The following GPC5 variants were observed in gnomAD, a reference collection of about 807,000 sequenced individuals.
GPC5 encodes glypican-5.
A neutral mutation model predicts 53.9 loss-of-function variants in GPC5; 47 were observed. The ratio of observed to expected loss-of-function variants is 0.87; its 90% CI spans 0.69 to 1.11. GPC5 has a LOEUF of 1.11. GPC5 is among the 50% of genes most tolerant of loss of function. GPC5 has a pLI of 0.00. For missense variants in GPC5, 748 were observed against 713.1 expected (o/e 1.05, Z -0.56); for synonymous variants, 286 against 263.3 (o/e 1.09, Z -0.84).
chr13:91,496,070 G>T (rs370633135), intron 2 of GPC5, among the ~76,000 whole-genome samples: 43 of 152,100 alleles, frequency 2.8e-4, no homozygotes, highest in South Asian at 1.5e-3. Flanking sequence ...ATTAGATCTT[G>T]TAATCTTTTA....
intron 2 of GPC5, among the ~76,000 whole-genome samples, chr13:91,679,958 A>G (rs1417017733): frequency 6.6e-6 from 1 of 151,750 alleles, no homozygotes; most frequent in East Asian, 1.9e-4. Context: ...GAACAAAGTG[A>G]TTGACAGGCA....
At chr13:92,677,371 C>G (rs1160284542) in intron 7 of GPC5, among the ~76,000 whole-genome samples, 1 of 152,138 alleles carries the variant, frequency 6.6e-6, no homozygotes, top group African/African-American at 2.4e-5. Flanking sequence ...CAAGTTGAGG[C>G]AGCAGACTAG....
intron 7 of GPC5, among the ~76,000 whole-genome samples, chr13:92,685,156 T>C (rs1313269278): frequency 6.6e-6 from 1 of 152,182 alleles, no homozygotes; most frequent in East Asian, 1.9e-4. Flanking sequence ...AGTGGTGCAA[T>C]CTCAGCTCAA....
chr13:92,012,877 G>A (rs2040674184), intron 6 of GPC5, among the ~76,000 whole-genome samples: 1 of 152,184 alleles, frequency 6.6e-6, no homozygotes, highest in South Asian at 2.1e-4. Flanking sequence ...CACCTCTTGT[G>A]GGAGGGAGCA....
In GPC5 at chr13:92,628,308, C is replaced by T. The variant is rs1885123440; in HGVS notation, c.1562-237974C>T. Among the ~76,000 whole-genome samples, 3 of 61,338 alleles carry T rather than the reference C, an allele frequency of 4.9e-5. No homozygotes were observed. The Admixed American group carries it at 7.0e-4, about 14-fold the overall frequency. The allele number at this position is 61,338 out of a possible 152,430, so 40.2% of individuals were successfully genotyped here. Reference sequence around the variant, plus strand: ...TTTTTTTTTTTGAGATGTAGTCTCGCTCTGTCACCCAGGCTGGAGTGCAGT... The same window carrying T: ...TTTTTTTTTTTGAGATGTAGTCTCGTTCTGTCACCCAGGCTGGAGTGCAGT... On this transcript the variant is annotated intron_variant, in intron 7 of 7. Coordinates refer to ENST00000377067, the MANE Select transcript of GPC5 (RefSeq NM_004466.6).
At chr13:91,847,046 C>T (rs986098497) in intron 5 of GPC5, among the ~76,000 whole-genome samples, 4 of 151,510 alleles carry the variant, frequency 2.6e-5, no homozygotes, top group Admixed American at 2.0e-4. Flanking sequence ...AGTGAAACCC[C>T]GTCTCTACTA....
intron 6 of GPC5, among the ~76,000 whole-genome samples, chr13:91,947,306 C>T (rs113110098): frequency 0.021 from 3,225 of 152,196 alleles, 104 homozygotes; most frequent in African/African-American, 0.074. Context: ...AAAATGACAG[C>T]ATTTCCTAGG....
chr13:91,674,103 G>T lies in GPC5; in HGVS notation c.326-19084G>T, dbSNP rs139010952. ...TGACATCAGTGAACTTTAGCTGTGT[G>T]AAAAGCAGAACTCAAGTTTCATGCA... On this transcript the variant is annotated intron_variant, in intron 2 of 7. Coordinates refer to ENST00000377067, the MANE Select transcript of GPC5 (RefSeq NM_004466.6). Among the ~76,000 whole-genome samples the T allele has an allele frequency of 4.5e-4, 68 of 152,234 alleles. No individual in the cohort carries two copies. In the East Asian group the frequency reaches 0.012, roughly 28 times the overall value.
chr13:92,669,882 G>C (rs1886689828), intron 7 of GPC5, among the ~76,000 whole-genome samples: 2 of 152,150 alleles, frequency 1.3e-5, no homozygotes, highest in Admixed American at 1.3e-4. Flanking sequence ...TTAGTCTAGA[G>C]TGACACCTCT....
intron 7 of GPC5, among the ~76,000 whole-genome samples, chr13:92,385,814 C>CATATAT (rs1874688301): frequency 7.7e-6 from 1 of 129,490 alleles, no homozygotes; most frequent in Admixed American, 8.7e-5. Flanking sequence ...TATATATATA[C>CATATAT]ACGTGTATAT....
intron 7 of GPC5, among the ~76,000 whole-genome samples, chr13:92,655,158 T>C (rs1594387039): frequency 2.0e-5 from 3 of 152,304 alleles, no homozygotes; most frequent in South Asian, 4.1e-4. Flanking sequence ...TAAATATCTG[T>C]TGTTTGAAGT....
intron 2 of GPC5, among the ~76,000 whole-genome samples, chr13:91,541,242 T>C (rs534226189): frequency 1.3e-5 from 2 of 152,290 alleles, no homozygotes; most frequent in African/African-American, 4.8e-5. Flanking sequence ...GTTCTTAAAG[T>C]CTCTATGTAA....
intron 7 of GPC5, among the ~76,000 whole-genome samples, chr13:92,853,841 G>C (rs1351049246): frequency 6.6e-6 from 1 of 152,044 alleles, no homozygotes; most frequent in Non-Finnish European, 1.5e-5. Flanking sequence ...GCCCAGCACA[G>C]AATATCCAAT....
intron 1 of GPC5, among the ~76,000 whole-genome samples, chr13:91,431,658 C>T (rs1211103554): frequency 6.6e-6 from 1 of 152,238 alleles, no homozygotes; most frequent in African/African-American, 2.4e-5. Context: ...TCATATGTTC[C>T]CCTTCAGGTC....
intron 7 of GPC5, among the ~76,000 whole-genome samples, chr13:92,424,200 A>G (rs1366786655): frequency 1.3e-5 from 2 of 152,140 alleles, no homozygotes; most frequent in Non-Finnish European, 2.9e-5. Context: ...CCAGAAATGA[A>G]TGCAATATAA....
intron 6 of GPC5, among the ~76,000 whole-genome samples, chr13:92,102,087 A>G (rs1231001663): frequency 6.6e-6 from 1 of 152,192 alleles, no homozygotes; most frequent in Non-Finnish European, 1.5e-5. Context: ...AATGATTGAT[A>G]TCATATAAAT....
intron 2 of GPC5, among the ~76,000 whole-genome samples, chr13:91,684,381 C>T (rs1408563196): frequency 6.6e-6 from 1 of 152,082 alleles, no homozygotes; most frequent in African/African-American, 2.4e-5. Context: ...CAAAACAAAA[C>T]CTTTAATTTT....
rs3084144 is a variant in GPC5, at chr13:91,628,508, C to A, written c.326-64679C>A. On this transcript the variant is annotated intron_variant, in intron 2 of 7. Coordinates refer to ENST00000377067, the MANE Select transcript of GPC5 (RefSeq NM_004466.6). ...TGTCTGTCTGTCTGTCTGTCTATCT[C>A]TCTATCTATCTGTCATCTATCAATC... Among the ~76,000 whole-genome samples, 75 of 123,084 alleles carry A rather than the reference C, an allele frequency of 6.1e-4. 1 individual carries two copies. Among genetic ancestry groups the A allele is most frequent in the Admixed American group, 2.6e-3 (36 of 13,608 alleles). 80.7% of individuals were successfully genotyped at this position (123,084 alleles called of 152,430 possible).
At chr13:92,766,458 T>A (rs1875409856) in intron 7 of GPC5, among the ~76,000 whole-genome samples, 1 of 152,232 alleles carries the variant, frequency 6.6e-6, no homozygotes, top group Non-Finnish European at 1.5e-5. Flanking sequence ...TATGATGTAG[T>A]GTCTATCACC....
Sources: gnomAD v4.1 joint callset for allele counts (sites outside exome capture counted in the v4.1 genomes callset) on GRCh38, gnomAD v4.1.1 for gene constraint, MANE v1.5 for transcripts, NCBI Gene and HGNC (gene_info 2026-07-23, HGNC 2026-07-21) for gene names.